Variants in TMEM132C observed in about 807,000 individuals in gnomAD.
The protein encoded by TMEM132C is protein phosphatase 1, regulatory subunit 152.
A neutral mutation model predicts 61.4 loss-of-function variants in TMEM132C; 29 were observed. The observed-to-expected ratio is 0.47, with a 90% CI of 0.35 to 0.64. The LOEUF is 0.64. TMEM132C is among the 30% of genes least tolerant of loss of function. The pLI, the probability that TMEM132C is intolerant of heterozygous loss-of-function variation, is 0.00. For synonymous variants in TMEM132C, 656 were observed against 633.1 expected (o/e 1.04, Z -0.54); for missense variants, 1,408 against 1,476.9 (o/e 0.95, Z 0.76).
rs188668392 is a variant in TMEM132C, at chr12:128,495,516, G to C, written c.975-48441G>C. Among the ~76,000 whole-genome samples the C allele has an allele frequency of 2.5e-3, 379 of 152,278 alleles. 2 individuals are homozygous for C. The highest frequency in any genetic ancestry group is 4.5e-3 in the Non-Finnish European group (304 of 68,028). On this transcript the variant is annotated intron_variant, in intron 2 of 8. Coordinates refer to ENST00000435159, the MANE Select transcript of TMEM132C (RefSeq NM_001136103.3). ...AAGGACTTGCTTTATGAATCTGGGT[G>C]CTCGTGTATTGGGTGCATACATATT...
At chr12:128,595,066 C>CATCG (rs1184409884) in intron 3 of TMEM132C, among the ~76,000 whole-genome samples, 1 of 152,184 alleles carries the variant, frequency 6.6e-6, no homozygotes, top group Non-Finnish European at 1.5e-5. Context: ...GGGTCACCGC[C>CATCG]ATCGGTGAAG....
chr12:128,322,166 C>T (rs1218553615), intron 1 of TMEM132C, among the ~76,000 whole-genome samples: 1 of 152,238 alleles, frequency 6.6e-6, no homozygotes, highest in Non-Finnish European at 1.5e-5. Flanking sequence ...CTCCATCTGT[C>T]TCTCTTGGGT....
intron 3 of TMEM132C, among the ~76,000 whole-genome samples, chr12:128,613,572 G>C (rs745534078): frequency 6.6e-6 from 1 of 152,188 alleles, no homozygotes; most frequent in Non-Finnish European, 1.5e-5. Flanking sequence ...GCAGCCCCTA[G>C]CTTGATGGTC....
intron 2 of TMEM132C, among the ~76,000 whole-genome samples, chr12:128,433,546 C>A (rs1869469964): frequency 6.6e-6 from 1 of 152,140 alleles, no homozygotes; most frequent in Non-Finnish European, 1.5e-5. Context: ...ATTTGGGAAA[C>A]TGTCATCAGG....
chr12:128,497,020 T>C (rs1424364836), intron 2 of TMEM132C, among the ~76,000 whole-genome samples: 1 of 152,242 alleles, frequency 6.6e-6, no homozygotes. Context: ...GGCGTGGATG[T>C]CCTTTCTGTT....
intron 2 of TMEM132C, among the ~76,000 whole-genome samples, chr12:128,458,503 T>G (rs1217160342): frequency 6.6e-6 from 1 of 152,070 alleles, no homozygotes; most frequent in Admixed American, 6.6e-5. Flanking sequence ...GCAGGATTCC[T>G]CTCATTCTTG....
chr12:128,440,902 A>C (rs891209969), intron 2 of TMEM132C, among the ~76,000 whole-genome samples: 2 of 152,124 alleles, frequency 1.3e-5, no homozygotes, highest in African/African-American at 4.8e-5. Context: ...TACAAAAATT[A>C]TCCAGGCGTC....
chr12:128,466,394 C>G (rs1296821835), intron 2 of TMEM132C, among the ~76,000 whole-genome samples: 1 of 152,192 alleles, frequency 6.6e-6, no homozygotes, highest in Non-Finnish European at 1.5e-5. Context: ...ATTTAATGGC[C>G]AAGATTTAAA....
At chr12:128,308,506 T>A (rs1489606335) in intron 1 of TMEM132C, among the ~76,000 whole-genome samples, 1 of 152,200 alleles carries the variant, frequency 6.6e-6, no homozygotes, top group African/African-American at 2.4e-5. Context: ...TAGAACTGTG[T>A]CCGGCACGTT....
At chr12:128,599,425 G>A (rs1876088531) in intron 3 of TMEM132C, among the ~76,000 whole-genome samples, 1 of 152,198 alleles carries the variant, frequency 6.6e-6, no homozygotes, top group African/African-American at 2.4e-5. Flanking sequence ...GGGAAACCTG[G>A]GGCAGCGATG....
intron 2 of TMEM132C, among the ~76,000 whole-genome samples, chr12:128,514,793 T>A (rs911033858): frequency 2.7e-4 from 41 of 152,138 alleles, no homozygotes; most frequent in Admixed American, 1.3e-3. Flanking sequence ...TACTGAGCTG[T>A]CTTAGGCACT....
intron 4 of TMEM132C, among the ~76,000 whole-genome samples, chr12:128,643,938 G>C (rs1032295907): frequency 6.6e-6 from 1 of 152,078 alleles, no homozygotes. Flanking sequence ...ATTAGAAAAT[G>C]GATTTGAGCC....
chr12:128,676,830 A>G (rs971576164), intron 5 of TMEM132C, among the ~76,000 whole-genome samples: 2 of 152,218 alleles, frequency 1.3e-5, no homozygotes, highest in Non-Finnish European at 2.9e-5. Context: ...GCCTTGGAGC[A>G]CTTGGAACAT....
chr12:128,291,222 G>T (rs189844377), intron 1 of TMEM132C, among the ~76,000 whole-genome samples: 1 of 152,338 alleles, frequency 6.6e-6, no homozygotes, highest in African/African-American at 2.4e-5. Context: ...AATATCTATA[G>T]AGGTGTTGCA....
At chr12:128,358,848 C>G (rs1380852903) in intron 1 of TMEM132C, among the ~76,000 whole-genome samples, 1 of 152,178 alleles carries the variant, frequency 6.6e-6, no homozygotes, top group East Asian at 1.9e-4. Context: ...CCCATATACT[C>G]ATGTTAACTG....
intron 2 of TMEM132C, among the ~76,000 whole-genome samples, chr12:128,460,268 A>G (rs758497895): frequency 3.3e-5 from 5 of 152,178 alleles, no homozygotes; most frequent in Non-Finnish European, 5.9e-5. Context: ...AAGGCCAATG[A>G]CAGTGTCACC....
intron 2 of TMEM132C, among the ~76,000 whole-genome samples, chr12:128,429,051 TC>T (rs1231632418): frequency 6.6e-6 from 1 of 152,222 alleles, no homozygotes; most frequent in Non-Finnish European, 1.5e-5. Flanking sequence ...ATTGATGAAC[TC>T]CCATCTCTGT....
At chr12:128,302,541 A>C (rs996602212) in intron 1 of TMEM132C, among the ~76,000 whole-genome samples, 1 of 152,228 alleles carries the variant, frequency 6.6e-6, no homozygotes, top group African/African-American at 2.4e-5. Context: ...TTGTTATTCA[A>C]ATCAAGCCAA....
chr12:128,621,961 C>G (rs908558099), intron 4 of TMEM132C, among the ~76,000 whole-genome samples: 2 of 152,152 alleles, frequency 1.3e-5, no homozygotes, highest in Non-Finnish European at 2.9e-5. Context: ...TCTGTTCCAG[C>G]CACGACTCTG....
Sources: allele counts gnomAD v4.1 joint callset (sites outside exome capture counted in the v4.1 genomes callset), GRCh38; gene constraint gnomAD v4.1.1; transcripts MANE v1.5; gene names NCBI Gene and HGNC (gene_info 2026-07-23, HGNC 2026-07-21).